The following PGRMC2 variants were observed in gnomAD, a reference collection of about 807,000 sequenced individuals.
PGRMC2 encodes the protein membrane-associated progesterone receptor component 2.
A neutral mutation model predicts 19.3 loss-of-function variants in PGRMC2; 9 were observed. That is an observed-to-expected ratio of 0.47 (90% CI 0.28 to 0.81). The LOEUF (loss-of-function observed/expected upper bound fraction) is 0.81. Among genes scored for constraint, PGRMC2 ranks in the 40% least tolerant of loss-of-function variants. The pLI is 0.11. For missense variants in PGRMC2, 289 were observed against 297.3 expected, an observed-to-expected ratio of 0.97 and a Z score of 0.21; for synonymous variants, 157 against 124.6, an observed-to-expected ratio of 1.26 and a Z score of -1.73.
chr4:128,283,223 T>C (rs566487576), intron 1 of PGRMC2, among the ~76,000 whole-genome samples: 24 of 152,252 alleles, frequency 1.6e-4, no homozygotes, highest in Non-Finnish European at 1.8e-4. Flanking sequence ...GAATAGACTA[T>C]GTTGTAATAC....
Position 128,284,118 on chromosome 4 carries a change from A to G in PGRMC2, c.418+3255T>C, listed in dbSNP as rs192362401. 1.6e-4 allele frequency among the ~76,000 whole-genome samples: 24 copies of G among 152,180 alleles called. 1 individual carries two copies. In the South Asian group the frequency reaches 4.6e-3, roughly 29 times the overall value. On this transcript the variant is annotated intron_variant, in intron 1 of 2. Transcript: ENST00000296425. ...GAGCCACCGTGCCTGGCCGAAAGGC[A>G]TGTTTTTTTTGAGGCTTTAAATCCT... is the stretch of plus-strand genomic sequence containing the variant.
At chr4:128,273,072 G>T (rs943513944) in intron 1 of PGRMC2, 1 of 151,994 alleles carries the variant, frequency 6.6e-6, no homozygotes, top group African/African-American at 2.4e-5. Context: ...TGCTCAACAC[G>T]CATTTAATAA....
intron 1 of PGRMC2, among the ~76,000 whole-genome samples, chr4:128,282,318 T>G (rs1257652914): frequency 6.6e-6 from 1 of 152,198 alleles, no homozygotes; most frequent in East Asian, 1.9e-4. Flanking sequence ...CTGTCTTGGG[T>G]GCACAGGGAA....
At chr4:128,273,292 TC>T (rs894954733) in intron 1 of PGRMC2, among the ~76,000 whole-genome samples, 1 of 152,214 alleles carries the variant, frequency 6.6e-6, no homozygotes, top group African/African-American at 2.4e-5. Context: ...TAGCATTTTA[TC>T]CAAGGAATTG....
chr4:128,287,739 C>T lies in PGRMC2; in HGVS notation c.52G>A (p.Glu18Lys). ...TCGCTGCCGCCGTCGTTGCTGCTCTCGCTGCCACTCCCCAGGGTGCCTAGC... is the reference window on the plus strand; with the variant it reads ...TCGCTGCCGCCGTCGTTGCTGCTCTTGCTGCCACTCCCCAGGGTGCCTAGC... Reference protein sequence around the residue: ...VKLGTLGSGSESSNDGGSESP... With the variant: ...VKLGTLGSGSKSSNDGGSESP... The change falls in exon 1 of 3, where the codon GAG (glutamate) becomes AAG (lysine). Residue 18 changes from glutamate to lysine, a missense_variant. Physicochemically the swap from Glu to Lys is moderately conservative, Grantham distance 56. Coordinates refer to ENST00000296425, the MANE Select transcript of PGRMC2 (RefSeq NM_006320.6). 6.8e-7 allele frequency: 1 copy of T among 1,473,988 alleles called. No homozygotes were observed. Among genetic ancestry groups the T allele is most frequent in the Non-Finnish European group, 9.2e-7 (1 of 1,082,272 alleles). 91.3% of individuals were successfully genotyped at this position (1,473,988 alleles called of 1,614,324 possible). A position where few individuals can be genotyped will look rare whatever the true frequency, so the allele number is the denominator to read the frequency against.
At chr4:128,278,004 T>C (rs1462756878) in intron 1 of PGRMC2, among the ~76,000 whole-genome samples, 1 of 152,208 alleles carries the variant, frequency 6.6e-6, no homozygotes, top group African/African-American at 2.4e-5. Flanking sequence ...GCTTCTGAAA[T>C]TTGAGCTACT....
intron 1 of PGRMC2, among the ~76,000 whole-genome samples, chr4:128,278,479 G>A (rs1760850127): frequency 6.6e-6 from 1 of 152,132 alleles, no homozygotes; most frequent in African/African-American, 2.4e-5. Flanking sequence ...GGCTGAGGCA[G>A]GAGAATCGCT....
intron 1 of PGRMC2, among the ~76,000 whole-genome samples, chr4:128,278,473 G>A (rs1003011529): frequency 6.6e-6 from 1 of 152,180 alleles, no homozygotes; most frequent in Non-Finnish European, 1.5e-5. Flanking sequence ...TCAAGAGGCT[G>A]AGGCAGGAGA....
rs1032079356 is a variant in PGRMC2, at chr4:128,270,881, A to G, written c.*435T>C. The G allele has an allele frequency of 2.6e-5, 4 of 152,940 alleles. No individual in the cohort carries two copies. Among genetic ancestry groups the G allele is most frequent in the African/African-American group, 9.6e-5 (4 of 41,476 alleles). 9.5% of individuals were successfully genotyped at this position (152,940 alleles called of 1,614,324 possible). A position where few individuals can be genotyped will look rare whatever the true frequency, so the allele number is the denominator to read the frequency against. ...AGGTCGCCTCCCTCACCCATGTTAA[A>G]ATAAAAACACAGTATGTGACACAGG... is the stretch of plus-strand genomic sequence containing the variant. On this transcript the variant is annotated 3_prime_UTR_variant, in exon 3 of 3. Transcript: ENST00000296425.
At chr4:128,287,193 GC>G in intron 1 of PGRMC2, 179 bp downstream of exon 1, 1 of 579,792 alleles carries the variant, frequency 1.7e-6, no homozygotes, top group Non-Finnish European at 2.9e-6. Flanking sequence ...GCCCGTAGCT[GC>G]GGGGGGACGG....
rs967388741 is a variant in PGRMC2 at position 128,271,429 on chromosome 4, A to C, written c.575-16T>G. On this transcript the variant is annotated splice_polypyrimidine_tract_variant and intron_variant, in intron 2 of 2. Coordinates refer to ENST00000296425, the MANE Select transcript of PGRMC2 (RefSeq NM_006320.6). ...TCATATTTTTCTGAAAGATACATCA[A>C]AAGAAAATCAGTGGTGATCAAATTT... is the stretch of plus-strand genomic sequence containing the variant. 7.3e-7 allele frequency: 1 copy of C among 1,374,542 alleles called. No homozygotes were observed. The highest frequency in any genetic ancestry group is 1.4e-5 in the African/African-American group (1 of 70,368). 85.1% of individuals were successfully genotyped at this position (1,374,542 alleles called of 1,614,324 possible). A position where few individuals can be genotyped will look rare whatever the true frequency, so the allele number is the denominator to read the frequency against.
rs1173877594 is a variant in PGRMC2 at position 128,287,318 on chromosome 4, A to T, written c.418+55T>A. On this transcript the variant is annotated intron_variant, in intron 1 of 2. Coordinates refer to ENST00000296425, the MANE Select transcript of PGRMC2 (RefSeq NM_006320.6). ...GGTGCCCAGAGGCCTCCCTGTCCGA[A>T]GGGGGTTGTGCTTCAGCTGCAGGGG... 3.2e-6 allele frequency: 5 copies of T among 1,542,852 alleles called. No homozygotes were observed. The African/African-American group carries it at 6.9e-5, about 21-fold the overall frequency.
chr4:128,287,272 G>A, intron 1 of PGRMC2, 101 bp downstream of exon 1: 3 of 1,380,474 alleles, frequency 2.2e-6, no homozygotes, highest in Non-Finnish European at 2.9e-6. Context: ...CCGGAGACGA[G>A]AAGGCTGGGC....
In PGRMC2 at chr4:128,272,584, T is replaced by TAA. The variant is rs5861848; in HGVS notation, c.419-69_419-68dup. On this transcript the variant is annotated intron_variant, in intron 1 of 2. Coordinates refer to ENST00000296425, the MANE Select transcript of PGRMC2 (RefSeq NM_006320.6). Reference sequence around the variant, plus strand: ...TTTTAGAATGTCTCAAAGGAAAAAGTAAAAAAAAAAAAAAAAAAACACAAC... The same window carrying TAA: ...TTTTAGAATGTCTCAAAGGAAAAAGTAAAAAAAAAAAAAAAAAAAAACACAAC... The TAA allele has an allele frequency of 3.4e-3, 1,142 of 334,138 alleles. 3 individuals carry two copies. Among genetic ancestry groups the TAA allele is most frequent in the African/African-American group, 0.019 (576 of 30,618 alleles). 20.7% of individuals were successfully genotyped at this position (334,138 alleles called of 1,614,324 possible).
intron 1 of PGRMC2, among the ~76,000 whole-genome samples, chr4:128,277,549 G>C (rs961369517): frequency 6.6e-6 from 1 of 152,146 alleles, no homozygotes; most frequent in African/African-American, 2.4e-5. Flanking sequence ...ATATCTCTCA[G>C]AGATGAACTT....
At chr4:128,287,203 GGT>G in intron 1 of PGRMC2, 168 bp downstream of exon 1, 15 of 612,422 alleles carry the variant, frequency 2.4e-5, no homozygotes, top group South Asian at 4.9e-5. Flanking sequence ...GCGGGGGGAC[GGT>G]GTGTGTGTAG....
Position 128,277,216 on chromosome 4 carries a change from A to T in PGRMC2, c.419-4699T>A, listed in dbSNP as rs558762467. 1.9e-4 allele frequency among the ~76,000 whole-genome samples: 29 copies of T among 152,296 alleles called. No individual in the cohort carries two copies. The South Asian group carries it at 5.8e-3, about 30-fold the overall frequency. On this transcript the variant is annotated intron_variant, in intron 1 of 2. Coordinates refer to ENST00000296425, the MANE Select transcript of PGRMC2 (RefSeq NM_006320.6). ...AAACAAACCCAACATGAAGTACTAT[A>T]CTAGTCAGAATTCAGATTTCATTTA...
At chr4:128,278,794 G>A (rs1056013425) in intron 1 of PGRMC2, among the ~76,000 whole-genome samples, 1 of 152,146 alleles carries the variant, frequency 6.6e-6, no homozygotes, top group African/African-American at 2.4e-5. Context: ...CCAAAACTTT[G>A]TGTGGTTCAA....
intron 1 of PGRMC2, among the ~76,000 whole-genome samples, chr4:128,274,515 GAAAAAA>G (rs34809072): frequency 7.6e-5 from 4 of 52,900 alleles, no homozygotes; most frequent in East Asian, 5.2e-4. Flanking sequence ...CTTCTCCAAA[GAAAAAA>G]AAAAAAAAAA....
Sources: gnomAD v4.1 joint callset for allele counts (sites outside exome capture counted in the v4.1 genomes callset) on GRCh38, gnomAD v4.1.1 for gene constraint, MANE v1.5 for transcripts, NCBI Gene and HGNC (gene_info 2026-07-23, HGNC 2026-07-21) for gene names.